Variants in CSMD1 observed in about 807,000 individuals in gnomAD.
CSMD1 encodes the protein CUB and sushi domain-containing protein 1.
Under a neutral mutation model 417.5 loss-of-function variants are expected in CSMD1, and 213 were observed. That is an observed-to-expected ratio of 0.51 (90% CI 0.46 to 0.57). CSMD1 has a LOEUF of 0.57. Ranked by LOEUF, CSMD1 falls within the 20% of genes least tolerant of loss-of-function variation. CSMD1 has a pLI of 0.00. For synonymous variants in CSMD1, 2,862 were observed against 1,736.8 expected (o/e 1.65, Z -16.11); for missense variants, 6,923 against 4,529.7 (o/e 1.53, Z -15.17).
At chr8:3,344,972 G>C (rs779949131) in intron 22 of CSMD1, among the ~76,000 whole-genome samples, 1 of 152,154 alleles carries the variant, frequency 6.6e-6, no homozygotes, top group South Asian at 2.1e-4. Context: ...TAGACGAGCC[G>C]GGGTCTGACA....
intron 26 of CSMD1, among the ~76,000 whole-genome samples, chr8:3,261,678 C>T (rs1018404550): frequency 6.6e-6 from 1 of 152,122 alleles, no homozygotes; most frequent in Non-Finnish European, 1.5e-5. Flanking sequence ...AAGGAATATG[C>T]CCTGGATTCA....
At chr8:3,218,480 G>C (rs559888619) in intron 29 of CSMD1, among the ~76,000 whole-genome samples, 14 of 150,584 alleles carry the variant, frequency 9.3e-5, no homozygotes, top group Non-Finnish European at 1.9e-4. Context: ...AGAATCGCTT[G>C]AACCCTGGAG....
intron 5 of CSMD1, among the ~76,000 whole-genome samples, chr8:3,933,884 T>C (rs1277991938): frequency 6.6e-6 from 1 of 152,146 alleles, no homozygotes; most frequent in Non-Finnish European, 1.5e-5. Context: ...CAAAGCTTTA[T>C]TTACTTTCTC....
At chr8:3,736,269 TCTCA>T in intron 6 of CSMD1, among the ~76,000 whole-genome samples, 1 of 152,124 alleles carries the variant, frequency 6.6e-6, no homozygotes, top group East Asian at 1.9e-4. Flanking sequence ...TTTGACAGGG[TCTCA>T]CTGTGTCACC....
chr8:3,250,101 A>G (rs1012735372), intron 26 of CSMD1, among the ~76,000 whole-genome samples: 12 of 152,240 alleles, frequency 7.9e-5, no homozygotes, highest in African/African-American at 2.9e-4. Context: ...GTACATGTGC[A>G]CAACGTGCAG....
chr8:3,360,442 G>T (rs1439704444), intron 20 of CSMD1, among the ~76,000 whole-genome samples: 6 of 152,144 alleles, frequency 3.9e-5, no homozygotes, highest in Admixed American at 3.3e-4. Flanking sequence ...TTTGACAGTG[G>T]GAAGTGAGAA....
intron 2 of CSMD1, among the ~76,000 whole-genome samples, chr8:4,578,361 A>C (rs1209467816): frequency 5.3e-5 from 1 of 18,842 alleles, no homozygotes; most frequent in African/African-American, 1.9e-4. Flanking sequence ...TTTTTTTTTT[A>C]GGACAGACGG....
chr8:3,056,012 C>T (rs746257996), intron 49 of CSMD1, among the ~76,000 whole-genome samples: 21 of 152,168 alleles, frequency 1.4e-4, no homozygotes, highest in Admixed American at 2.0e-4. Flanking sequence ...AATTATTATA[C>T]GCAGAAAATC....
In CSMD1 at chr8:4,570,085, C is replaced by G. The variant is rs947961522; in HGVS notation, c.302+67257G>C. On this transcript the variant is annotated intron_variant, in intron 2 of 69. Transcript: ENST00000635120. ...AATATACAATCACGTCGTCTGCAAACAGAGACAACTTGACTTCCTCTCTTC... is the reference window on the plus strand; with the variant it reads ...AATATACAATCACGTCGTCTGCAAAGAGAGACAACTTGACTTCCTCTCTTC... Among the ~76,000 whole-genome samples the G allele has an allele frequency of 3.9e-5, 6 of 152,154 alleles. No homozygotes were observed. In the East Asian group the frequency reaches 9.6e-4, roughly 24 times the overall value.
intron 18 of CSMD1, among the ~76,000 whole-genome samples, chr8:3,379,530 G>A (rs1448159829): frequency 6.6e-6 from 1 of 152,124 alleles, no homozygotes; most frequent in Non-Finnish European, 1.5e-5. Flanking sequence ...AAACAGCAAG[G>A]TACTGGTACC....
chr8:4,671,334 C>A (rs576752639), intron 1 of CSMD1, among the ~76,000 whole-genome samples: 1 of 152,074 alleles, frequency 6.6e-6, no homozygotes, highest in South Asian at 2.1e-4. Flanking sequence ...GTTTTTTAAA[C>A]CTAATTGATG....
At chr8:4,495,803 CT>C (rs1801951418) in intron 2 of CSMD1, among the ~76,000 whole-genome samples, 1 of 152,130 alleles carries the variant, frequency 6.6e-6, no homozygotes, top group Non-Finnish European at 1.5e-5. Context: ...CCCATTCTAG[CT>C]AACATTTGTC....
chr8:3,694,401 G>T (rs1413317218), intron 7 of CSMD1, among the ~76,000 whole-genome samples: 1 of 152,154 alleles, frequency 6.6e-6, no homozygotes, highest in Non-Finnish European at 1.5e-5. Flanking sequence ...CAACAGCTCT[G>T]CCTGCTGCAC....
At chr8:3,938,466 A>G (rs1810652668) in intron 5 of CSMD1, among the ~76,000 whole-genome samples, 2 of 152,290 alleles carry the variant, frequency 1.3e-5, no homozygotes, top group African/African-American at 4.8e-5. Flanking sequence ...TGTGGTGGGG[A>G]TAAGTAAATT....
chr8:4,469,031 C>G (rs1257081453), intron 2 of CSMD1, among the ~76,000 whole-genome samples: 1 of 152,150 alleles, frequency 6.6e-6, no homozygotes, highest in South Asian at 2.1e-4. Flanking sequence ...AAAGACAATG[C>G]TATACTCTCT....
chr8:3,648,014 C>T (rs1244719450), intron 7 of CSMD1, among the ~76,000 whole-genome samples: 1 of 152,190 alleles, frequency 6.6e-6, no homozygotes, highest in Non-Finnish European at 1.5e-5. Flanking sequence ...ATTCTTATTT[C>T]TTGTGCAGCT....
intron 4 of CSMD1, among the ~76,000 whole-genome samples, chr8:4,005,516 T>G (rs921934326): frequency 2.6e-5 from 4 of 152,188 alleles, no homozygotes; most frequent in Non-Finnish European, 5.9e-5. Context: ...GCGATACACT[T>G]GCCTTTCTCA....
At chr8:3,483,258 G>C (rs1476133324) in intron 11 of CSMD1, among the ~76,000 whole-genome samples, 1 of 151,996 alleles carries the variant, frequency 6.6e-6, no homozygotes, top group Admixed American at 6.6e-5. Context: ...GGGAGAGAGA[G>C]ATAGAAGGGA....
intron 5 of CSMD1, among the ~76,000 whole-genome samples, chr8:3,772,721 A>G (rs183342372): frequency 6.7e-5 from 10 of 148,938 alleles, no homozygotes; most frequent in East Asian, 1.9e-4. Flanking sequence ...ATATATATAT[A>G]TACACACACA....
Sources: gnomAD v4.1 joint callset for allele counts (sites outside exome capture counted in the v4.1 genomes callset) on GRCh38, gnomAD v4.1.1 for gene constraint, MANE v1.5 for transcripts, NCBI Gene and HGNC (gene_info 2026-07-23, HGNC 2026-07-21) for gene names.